The following HEMK2 variants were observed in gnomAD, a reference collection of about 807,000 sequenced individuals.
HEMK2 encodes methyltransferase HEMK2.
chr21:28,842,572 C>T, the HEMK2 span, among the ~76,000 whole-genome samples: 9 of 152,132 alleles, frequency 5.9e-5, no homozygotes, highest in Admixed American at 1.3e-4. Context: ...ATTATTTGCT[C>T]ATGTGGCAGT....
the HEMK2 span, among the ~76,000 whole-genome samples, chr21:28,779,832 C>A: frequency 6.6e-6 from 1 of 152,148 alleles, no homozygotes; most frequent in East Asian, 1.9e-4. Context: ...TAGCTCCTGG[C>A]CTCCTCTTTC....
the HEMK2 span, among the ~76,000 whole-genome samples, chr21:28,689,910 G>A: frequency 1.3e-5 from 2 of 152,116 alleles, no homozygotes; most frequent in African/African-American, 4.8e-5. Flanking sequence ...TTAAGAAGCT[G>A]AGTATATTAG....
At chr21:28,836,816 A>G in the HEMK2 span, among the ~76,000 whole-genome samples, 1 of 152,090 alleles carries the variant, frequency 6.6e-6, no homozygotes, top group Non-Finnish European at 1.5e-5. Flanking sequence ...CGGTTAAAAA[A>G]AAAAAGGCAT....
the HEMK2 span, among the ~76,000 whole-genome samples, chr21:28,683,332 C>T: frequency 1.5e-3 from 226 of 152,148 alleles, no homozygotes; most frequent in African/African-American, 5.3e-3. Flanking sequence ...GGTCAAAAAG[C>T]AAAATGTATG....
the HEMK2 span, among the ~76,000 whole-genome samples, chr21:28,812,228 T>C: frequency 6.6e-6 from 1 of 152,304 alleles, no homozygotes; most frequent in East Asian, 1.9e-4. Flanking sequence ...TTATTTAATA[T>C]TGATATAAAA....
At chr21:28,880,493 A>G in the HEMK2 span, among the ~76,000 whole-genome samples, 2 of 152,158 alleles carry the variant, frequency 1.3e-5, no homozygotes, top group African/African-American at 2.4e-5. Context: ...GCACTTTAGG[A>G]GGCCGAGGCG....
the HEMK2 span, among the ~76,000 whole-genome samples, chr21:28,633,753 T>C: frequency 6.6e-6 from 1 of 152,160 alleles, no homozygotes; most frequent in African/African-American, 2.4e-5. Flanking sequence ...TGTAATACAA[T>C]ACGAATAGTT....
At chr21:28,771,669 T>A in the HEMK2 span, among the ~76,000 whole-genome samples, 3 of 152,236 alleles carry the variant, frequency 2.0e-5, no homozygotes, top group African/African-American at 7.2e-5. Flanking sequence ...ATTTTAACAG[T>A]CTTGTTTTAG....
chr21:28,734,292 C>A, the HEMK2 span, among the ~76,000 whole-genome samples: 1 of 152,096 alleles, frequency 6.6e-6, no homozygotes, highest in African/African-American at 2.4e-5. Context: ...TATAAATATA[C>A]GTTTTAAACT....
At chr21:28,877,413 G>GA in the HEMK2 span, among the ~76,000 whole-genome samples, 1 of 60,616 alleles carries the variant, frequency 1.6e-5, no homozygotes, top group African/African-American at 6.1e-5. Flanking sequence ...AAAAAAAGAA[G>GA]GAAGGAAAGA....
At chr21:28,699,401 C>A in the HEMK2 span, among the ~76,000 whole-genome samples, 1 of 152,090 alleles carries the variant, frequency 6.6e-6, no homozygotes, top group Non-Finnish European at 1.5e-5. Context: ...AAAATGAATA[C>A]ATTGAAATTG....
chr21:28,719,482 C>G, the HEMK2 span, among the ~76,000 whole-genome samples: 2 of 152,168 alleles, frequency 1.3e-5, no homozygotes, highest in Admixed American at 6.5e-5. Context: ...TAAAACGTGC[C>G]TTTGCTTTTC....
At chr21:28,623,819 A>G in the HEMK2 span, among the ~76,000 whole-genome samples, 2 of 152,118 alleles carry the variant, frequency 1.3e-5, no homozygotes, top group Non-Finnish European at 2.9e-5. Flanking sequence ...AACATCACAC[A>G]CTGGGGCCTG....
chr21:28,812,673 C>T, the HEMK2 span, among the ~76,000 whole-genome samples: 1 of 152,120 alleles, frequency 6.6e-6, no homozygotes, highest in African/African-American at 2.4e-5. Context: ...GGGAGGAGTC[C>T]CTCTTTTTCT....
the HEMK2 span, among the ~76,000 whole-genome samples, chr21:28,719,537 CTG>C: frequency 6.6e-6 from 1 of 152,210 alleles, no homozygotes. Context: ...CCATGCTGAA[CTG>C]TGAGTCCATT....
the HEMK2 span, among the ~76,000 whole-genome samples, chr21:28,788,673 T>C: frequency 7.3e-6 from 1 of 136,732 alleles, no homozygotes; most frequent in Non-Finnish European, 1.6e-5. Context: ...CAATAACTTA[T>C]GGAAAAATAA....
chr21:28,785,714 T>C, the HEMK2 span, among the ~76,000 whole-genome samples: 227 of 152,186 alleles, frequency 1.5e-3, 1 homozygote, highest in Admixed American at 0.015. Flanking sequence ...ATCATCCTCA[T>C]AGCCCCAGCC....
At chr21:28,700,663 C>G in the HEMK2 span, among the ~76,000 whole-genome samples, 1 of 152,020 alleles carries the variant, frequency 6.6e-6, no homozygotes, top group Non-Finnish European at 1.5e-5. Flanking sequence ...AAAAGCCTAC[C>G]AACCAGAAAA....
At chr21:28,822,065 T>C in the HEMK2 span, among the ~76,000 whole-genome samples, 1 of 152,218 alleles carries the variant, frequency 6.6e-6, no homozygotes, top group African/African-American at 2.4e-5. Context: ...AGATACTCTA[T>C]CATGTAGAAT....
Sources: gnomAD v4.1 joint callset for allele counts (sites outside exome capture counted in the v4.1 genomes callset) on GRCh38, gnomAD v4.1.1 for gene constraint, MANE v1.5 for transcripts, NCBI Gene and HGNC (gene_info 2026-07-23, HGNC 2026-07-21) for gene names.